Variants in SPMIP3 observed in about 807,000 individuals in gnomAD.
SPMIP3 encodes protein SPMIP3.
At chr1:244,369,428 G>A in the SPMIP3 span, among the ~76,000 whole-genome samples, 15 of 152,350 alleles carry the variant, frequency 9.8e-5, no homozygotes, top group East Asian at 1.2e-3. Flanking sequence ...CCCATCCTGC[G>A]TGGGATGATA....
chr1:244,360,509 TACAC>T, the SPMIP3 span, among the ~76,000 whole-genome samples: 5,196 of 58,786 alleles, frequency 0.088, 148 homozygotes, highest in African/African-American at 0.16. Flanking sequence ...AAACGTGATA[TACAC>T]ACACACACAC....
the SPMIP3 span, among the ~76,000 whole-genome samples, chr1:244,356,620 T>A: frequency 6.6e-6 from 1 of 152,214 alleles, no homozygotes; most frequent in African/African-American, 2.4e-5. Flanking sequence ...GGGGCCAACA[T>A]TAGTTAATGG....
At chr1:244,368,719 T>C in the SPMIP3 span, among the ~76,000 whole-genome samples, 7 of 152,366 alleles carry the variant, frequency 4.6e-5, no homozygotes, top group South Asian at 4.1e-4. Context: ...CCTGCCCTTG[T>C]GTGGTTCTGC....
At chr1:244,371,345 C>T in the SPMIP3 span, among the ~76,000 whole-genome samples, 8 of 152,294 alleles carry the variant, frequency 5.3e-5, no homozygotes, top group Middle Eastern at 3.4e-3. Flanking sequence ...CTGAAGAGTC[C>T]GCACGTGCTT....
At chr1:244,385,496 C>T in the SPMIP3 span, among the ~76,000 whole-genome samples, 2 of 152,110 alleles carry the variant, frequency 1.3e-5, no homozygotes, top group African/African-American at 4.8e-5. Context: ...GGAAAGTTAC[C>T]CTTGTATTAC....
At chr1:244,376,818 T>C in the SPMIP3 span, among the ~76,000 whole-genome samples, 36 of 135,002 alleles carry the variant, frequency 2.7e-4, no homozygotes, top group Middle Eastern at 3.7e-3. Context: ...AGCATCCCCC[T>C]TTTTTTTTTT....
chr1:244,371,192 A>C, the SPMIP3 span, among the ~76,000 whole-genome samples: 1 of 152,190 alleles, frequency 6.6e-6, no homozygotes, highest in Non-Finnish European at 1.5e-5. Flanking sequence ...TCAAAAAGCC[A>C]AGCCATCAGG....
chr1:244,372,032 AG>A, the SPMIP3 span, among the ~76,000 whole-genome samples: 1 of 152,232 alleles, frequency 6.6e-6, no homozygotes, highest in Admixed American at 6.5e-5. Context: ...CGCCCTGCTC[AG>A]TGCTTGCCTT....
the SPMIP3 span, among the ~76,000 whole-genome samples, chr1:244,386,761 C>T: frequency 1.3e-5 from 2 of 152,112 alleles, no homozygotes; most frequent in African/African-American, 4.8e-5. Flanking sequence ...GAAATGTTAT[C>T]CATTCTTAAT....
chr1:244,383,660 CAG>C, the SPMIP3 span, among the ~76,000 whole-genome samples: 1 of 152,058 alleles, frequency 6.6e-6, no homozygotes. Context: ...GTTAACTGGG[CAG>C]AGAGTGGGGA....
chr1:244,388,004 T>G, the SPMIP3 span, among the ~76,000 whole-genome samples: 1 of 152,000 alleles, frequency 6.6e-6, no homozygotes, highest in African/African-American at 2.4e-5. Context: ...CTTGGCTCAC[T>G]GCAACCTCCG....
chr1:244,357,791 A>T, the SPMIP3 span, among the ~76,000 whole-genome samples: 1 of 152,076 alleles, frequency 6.6e-6, no homozygotes, highest in Non-Finnish European at 1.5e-5. Flanking sequence ...ACGAATATAA[A>T]ATAGGGCCAG....
At chr1:244,381,329 C>T in the SPMIP3 span, among the ~76,000 whole-genome samples, 5 of 152,144 alleles carry the variant, frequency 3.3e-5, no homozygotes, top group African/African-American at 7.2e-5. Context: ...AATCTAGGTG[C>T]GCCTCCAGTT....
At chr1:244,374,543 C>T in the SPMIP3 span, among the ~76,000 whole-genome samples, 2 of 146,892 alleles carry the variant, frequency 1.4e-5, no homozygotes, top group African/African-American at 2.5e-5. Flanking sequence ...TTTTTATGTA[C>T]TTTTTTCAGA....
the SPMIP3 span, chr1:244,375,490 A>G: frequency 3.2e-6 from 5 of 1,572,512 alleles, no homozygotes; most frequent in East Asian, 2.2e-5. Context: ...CTCAATCCCA[A>G]TGTCCAAGAA....
At chr1:244,364,819 T>C in the SPMIP3 span, 1 of 1,519,322 alleles carries the variant, frequency 6.6e-7, no homozygotes, top group African/African-American at 1.4e-5. Context: ...GCCTGGGGAG[T>C]TAGAATTGCA....
chr1:244,383,768 G>A, the SPMIP3 span, among the ~76,000 whole-genome samples: 17 of 152,214 alleles, frequency 1.1e-4, no homozygotes, highest in Non-Finnish European at 2.4e-4. Flanking sequence ...GTGTGCTGGA[G>A]TATAGGAATC....
At chr1:244,363,520 T>TA in the SPMIP3 span, among the ~76,000 whole-genome samples, 1 of 151,618 alleles carries the variant, frequency 6.6e-6, no homozygotes, top group African/African-American at 2.4e-5. Context: ...ATGAATGGCT[T>TA]ACAAAAAATC....
chr1:244,360,160 C>T, the SPMIP3 span, among the ~76,000 whole-genome samples: 9 of 152,108 alleles, frequency 5.9e-5, no homozygotes, highest in Admixed American at 2.6e-4. Context: ...ATGAATCCTG[C>T]AATGGGATAT....
Sources: gnomAD v4.1 joint callset for allele counts (sites outside exome capture counted in the v4.1 genomes callset) on GRCh38, gnomAD v4.1.1 for gene constraint, MANE v1.5 for transcripts, NCBI Gene and HGNC (gene_info 2026-07-23, HGNC 2026-07-21) for gene names.